PRSS38: variants seen among roughly 807,000 people sequenced by gnomAD.
The protein encoded by PRSS38 is serine protease 38.
A neutral mutation model predicts 26.8 loss-of-function variants in PRSS38; 22 were observed. That is an observed-to-expected ratio of 0.82 (90% CI 0.59 to 1.17). The LOEUF is 1.17. Ranked by LOEUF, PRSS38 falls within the 50% of genes most tolerant of loss-of-function variation. The pLI is 0.00. For synonymous variants in PRSS38, 175 were observed against 172.1 expected (o/e 1.02, Z -0.13); for missense variants, 427 against 422.7 (o/e 1.01, Z -0.09).
intron 3 of PRSS38, among the ~76,000 whole-genome samples, chr1:227,837,742 T>C (rs1665258859): frequency 6.6e-6 from 1 of 152,226 alleles, no homozygotes; most frequent in Non-Finnish European, 1.5e-5. Flanking sequence ...TTGCTGCACC[T>C]CTTTGCCGAT....
chr1:227,815,797 T>G lies in PRSS38; in HGVS notation c.81T>G (p.Pro27=), dbSNP rs781336678. 5.0e-6 allele frequency: 8 copies of G among 1,612,296 alleles called. No homozygotes were observed. The Admixed American group carries it at 1.3e-4, about 27-fold the overall frequency. Residue 27 remains proline (P), a synonymous_variant, in exon 1 of 5, where the codon CCT becomes CCG. Transcript: ENST00000366757. The stretch of plus-strand genomic sequence containing the variant: ...TGCTGCTGCTCCTGGTGGTGGCCCC[T>G]CCCCGGGTCGCAGCATTGGTCCACA...
At chr1:227,843,671 C>T (rs987338584) in intron 3 of PRSS38, among the ~76,000 whole-genome samples, 1 of 151,938 alleles carries the variant, frequency 6.6e-6, no homozygotes, top group Non-Finnish European at 1.5e-5. Context: ...CATTGCATTG[C>T]ACTCCAGCCT....
chr1:227,845,144 G>T (rs1464804457), intron 3 of PRSS38, among the ~76,000 whole-genome samples: 2 of 144,072 alleles, frequency 1.4e-5, no homozygotes, highest in Non-Finnish European at 3.0e-5. Flanking sequence ...ATGCGTGGTG[G>T]GGCTCCTCCC....
At chr1:227,815,803 G>A in exon 1 of PRSS38, 1 of 1,612,418 alleles carries the variant, frequency 6.2e-7, no homozygotes, top group South Asian at 1.1e-5. Flanking sequence ...CCCCTCCCCG[G>A]GTCGCAGCAT....
intron 3 of PRSS38, among the ~76,000 whole-genome samples, chr1:227,843,489 G>T: frequency 6.6e-6 from 1 of 152,076 alleles, no homozygotes; most frequent in East Asian, 1.9e-4. Flanking sequence ...AATCACCTGA[G>T]GTCAGGAGTT....
At chr1:227,841,517 G>C (rs985221821) in intron 3 of PRSS38, among the ~76,000 whole-genome samples, 2 of 152,206 alleles carry the variant, frequency 1.3e-5, no homozygotes, top group Non-Finnish European at 1.5e-5. Flanking sequence ...CTACTCAGCA[G>C]TACAAACACT....
At chr1:227,815,770 T>TCTG in exon 1 of PRSS38, 1 of 1,611,642 alleles carries the variant, frequency 6.2e-7, no homozygotes, top group Non-Finnish European at 8.5e-7. Flanking sequence ...CCCTGGGCCT[T>TCTG]CTGCTGCTGC....
At chr1:227,837,842 A>G (rs368755488) in intron 3 of PRSS38, among the ~76,000 whole-genome samples, 1 of 152,090 alleles carries the variant, frequency 6.6e-6, no homozygotes, top group Admixed American at 6.5e-5. Flanking sequence ...GTTTCTTTAT[A>G]TATTCTGGAT....
At chr1:227,843,785 C>T (rs1189246641) in intron 3 of PRSS38, among the ~76,000 whole-genome samples, 5 of 150,546 alleles carry the variant, frequency 3.3e-5, no homozygotes, top group Admixed American at 6.6e-5. Flanking sequence ...TTTGGGAGGC[C>T]GAGGCAGGTG....
intron 3 of PRSS38, among the ~76,000 whole-genome samples, chr1:227,829,840 C>T (rs1181056930): frequency 6.6e-6 from 1 of 152,118 alleles, no homozygotes; most frequent in South Asian, 2.1e-4. Context: ...ATATAATGTT[C>T]AATACAACTG....
At chr1:227,828,163 C>T (rs542513897) in intron 3 of PRSS38, among the ~76,000 whole-genome samples, 1 of 152,244 alleles carries the variant, frequency 6.6e-6, no homozygotes, top group South Asian at 2.1e-4. Flanking sequence ...AATGTATATT[C>T]TGTTGTTTTG....
intron 3 of PRSS38, among the ~76,000 whole-genome samples, chr1:227,837,136 G>A (rs955319155): frequency 2.6e-5 from 4 of 152,140 alleles, no homozygotes; most frequent in East Asian, 1.9e-4. Context: ...GACTACAGGC[G>A]TGCGCCACCA....
At chr1:227,822,285 A>T (rs1242440134) in intron 3 of PRSS38, among the ~76,000 whole-genome samples, 2 of 152,082 alleles carry the variant, frequency 1.3e-5, no homozygotes, top group African/African-American at 4.8e-5. Context: ...CTTTGAGCAT[A>T]TTTAATACAC....
chr1:227,831,110 G>A (rs181068522), intron 3 of PRSS38, among the ~76,000 whole-genome samples: 11 of 151,902 alleles, frequency 7.2e-5, no homozygotes, highest in Admixed American at 3.9e-4. Flanking sequence ...GTTTCCTAAG[G>A]TAGAAGCTTA....
intron 3 of PRSS38, among the ~76,000 whole-genome samples, chr1:227,824,879 G>A (rs1488520617): frequency 6.6e-6 from 1 of 152,058 alleles, no homozygotes; most frequent in African/African-American, 2.4e-5. Flanking sequence ...TTTGAGAAGT[G>A]TCTGTTCATG....
At chr1:227,845,907 C>T (rs1437598030) in intron 4 of PRSS38, 47 bp from the exon 5 acceptor site, 3 of 1,603,404 alleles carry the variant, frequency 1.9e-6, no homozygotes, top group Non-Finnish European at 2.6e-6. Context: ...CAGGAGGCGG[C>T]AGGCCTGGGA....
At chr1:227,828,859 T>C (rs1665111960) in intron 3 of PRSS38, among the ~76,000 whole-genome samples, 1 of 152,178 alleles carries the variant, frequency 6.6e-6, no homozygotes, top group Non-Finnish European at 1.5e-5. Context: ...GTGGCTACTC[T>C]GTCAGGACTC....
At position 227,844,578 on chromosome 1, in the gene PRSS38, T is replaced by C. The variant is rs746978295; in HGVS notation, c.584-892T>C. ...CCTCCCTATGTGTGGTCAAAACTCC[T>C]CCCTATGTGTAGTGGGGCTCTTCCC... On this transcript the variant is annotated intron_variant, in intron 3 of 4. Transcript: ENST00000366757. 5.9e-5 allele frequency among the ~76,000 whole-genome samples: 8 copies of C among 135,936 alleles called. No individual in the cohort carries two copies. The Middle Eastern group carries it at 0.021, about 363-fold the overall frequency. The allele number at this position is 135,936 out of a possible 152,430, so 89.2% of individuals were successfully genotyped here.
At chr1:227,830,407 C>T (rs1044215050) in intron 3 of PRSS38, among the ~76,000 whole-genome samples, 1 of 150,600 alleles carries the variant, frequency 6.6e-6, no homozygotes, top group Non-Finnish European at 1.5e-5. Context: ...TTGTTATATA[C>T]TTTATGTATT....
Sources: allele counts gnomAD v4.1 joint callset (sites outside exome capture counted in the v4.1 genomes callset), GRCh38; gene constraint gnomAD v4.1.1; transcripts MANE v1.5; gene names NCBI Gene and HGNC (gene_info 2026-07-23, HGNC 2026-07-21).